PDE8B: variants seen among roughly 807,000 people sequenced by gnomAD.
PDE8B encodes high affinity cAMP-specific and IBMX-insensitive 3',5'-cyclic phosphodiesterase 8B.
Under a neutral mutation model 101.3 loss-of-function variants are expected in PDE8B, and 26 were observed. The observed-to-expected ratio is 0.26, with a 90% CI of 0.19 to 0.36. The LOEUF (loss-of-function observed/expected upper bound fraction) is 0.36, where lower values mean the gene tolerates loss of function less well. Ranked by LOEUF, PDE8B falls within the 10% of genes least tolerant of loss-of-function variation. The probability of loss-of-function intolerance (pLI) is 1.00; values close to 1 mark genes in which losing one functional copy is unlikely to be tolerated. For missense variants in PDE8B, 810 were observed against 1,163.1 expected (o/e 0.70, Z 4.42); for synonymous variants, 424 against 429.3 (o/e 0.99, Z 0.15).
At chr5:77,413,423 T>C in intron 17 of PDE8B, 114 bp downstream of exon 17, 1 of 923,272 alleles carries the variant, frequency 1.1e-6, no homozygotes, top group Admixed American at 2.4e-5. Context: ...ACAGCTTTTT[T>C]AAAAAAAAAT....
the PDE8B span, among the ~76,000 whole-genome samples, chr5:77,097,615 A>T: frequency 7.4e-6 from 1 of 135,818 alleles, no homozygotes; most frequent in Non-Finnish European, 1.6e-5. Flanking sequence ...ATCATCCTCC[A>T]AATATCACTT....
intron 10 of PDE8B, among the ~76,000 whole-genome samples, chr5:77,375,753 G>T (rs1400454383): frequency 6.6e-6 from 1 of 152,014 alleles, no homozygotes; most frequent in African/African-American, 2.4e-5. Flanking sequence ...TTTTTATCGT[G>T]TCTGGAAGGA....
At chr5:77,285,896 T>C (rs1765914520) in intron 1 of PDE8B, among the ~76,000 whole-genome samples, 1 of 152,222 alleles carries the variant, frequency 6.6e-6, no homozygotes, top group Non-Finnish European at 1.5e-5. Context: ...AATATTTATT[T>C]CCAATATTGT....
rs926105444 is a variant in PDE8B, at chr5:77,427,731, T to C, written c.*1177T>C. Reference sequence around the variant, plus strand: ...ATTTTTATACTGCTCTTTTCACAACTCCCTGTGATCTACATAAAGTCAGAC... The same window carrying C: ...ATTTTTATACTGCTCTTTTCACAACCCCCTGTGATCTACATAAAGTCAGAC... On this transcript the variant is annotated 3_prime_UTR_variant, in exon 22 of 22. Coordinates refer to ENST00000264917, the MANE Select transcript of PDE8B (RefSeq NM_003719.5). 2.0e-5 allele frequency: 3 copies of C among 152,166 alleles called. No homozygotes were observed. Among genetic ancestry groups the C allele is most frequent in the African/African-American group, 7.2e-5 (3 of 41,440 alleles). The allele number at this position is 152,166 out of a possible 1,614,324, so 9.4% of individuals were successfully genotyped here.
chr5:77,312,079 G>A, intron 2 of PDE8B, 26 bp downstream of exon 2: 1 of 1,483,822 alleles, frequency 6.7e-7, no homozygotes, highest in Non-Finnish European at 9.4e-7. Flanking sequence ...TCAGCCCTGT[G>A]ACTCAGATTA....
intron 1 of PDE8B, among the ~76,000 whole-genome samples, chr5:77,261,199 A>G (rs1305282902): frequency 1.3e-5 from 2 of 152,236 alleles, no homozygotes; most frequent in Non-Finnish European, 2.9e-5. Context: ...TAGAGGAGGT[A>G]GTAAAACCAG....
chr5:77,113,914 C>T, the PDE8B span: 8 of 152,236 alleles, frequency 5.3e-5, no homozygotes, highest in East Asian at 7.7e-4. Flanking sequence ...CATGAAAAAA[C>T]GCTCATCATC....
intron 10 of PDE8B, among the ~76,000 whole-genome samples, chr5:77,359,879 C>T (rs1782778314): frequency 1.3e-5 from 2 of 152,056 alleles, no homozygotes; most frequent in African/African-American, 2.4e-5. Context: ...AGGCAGATCA[C>T]GAGGTCAGGA....
At chr5:77,382,053 C>T (rs1302042601) in intron 10 of PDE8B, among the ~76,000 whole-genome samples, 2 of 152,132 alleles carry the variant, frequency 1.3e-5, no homozygotes, top group Non-Finnish European at 2.9e-5. Flanking sequence ...GTTCAGACTT[C>T]CAATTTTCAG....
chr5:77,169,505 C>A, the PDE8B span, among the ~76,000 whole-genome samples: 1 of 152,290 alleles, frequency 6.6e-6, no homozygotes, highest in East Asian at 1.9e-4. Context: ...TTGAGAACTA[C>A]TGGCCTAAAT....
chr5:77,125,088 G>C, the PDE8B span, among the ~76,000 whole-genome samples: 1 of 152,176 alleles, frequency 6.6e-6, no homozygotes, highest in Non-Finnish European at 1.5e-5. Context: ...TCCTGGGCTG[G>C]CTTCAGTGAT....
the PDE8B span, chr5:77,113,854 G>T: frequency 6.6e-6 from 1 of 152,162 alleles, no homozygotes; most frequent in East Asian, 1.9e-4. Context: ...ATGGGCAAAG[G>T]ATATGAACAG....
At chr5:77,367,920 C>A (rs990531432) in intron 10 of PDE8B, among the ~76,000 whole-genome samples, 1 of 152,214 alleles carries the variant, frequency 6.6e-6, no homozygotes, top group African/African-American at 2.4e-5. Flanking sequence ...CACAAAAGCC[C>A]CCAACTTGTT....
At chr5:77,093,228 A>G in the PDE8B span, among the ~76,000 whole-genome samples, 10 of 152,170 alleles carry the variant, frequency 6.6e-5, no homozygotes, top group Admixed American at 3.9e-4. Flanking sequence ...TGATTTATGC[A>G]TAGGTGGTTG....
the PDE8B span, among the ~76,000 whole-genome samples, chr5:77,107,334 T>C: frequency 1.2e-4 from 19 of 152,210 alleles, no homozygotes; most frequent in Admixed American, 1.2e-3. Context: ...TGCTGGTATA[T>C]AGTAATATAA....
At chr5:77,387,145 G>A (rs1399093160) in intron 10 of PDE8B, among the ~76,000 whole-genome samples, 2 of 152,072 alleles carry the variant, frequency 1.3e-5, no homozygotes, top group South Asian at 4.1e-4. Context: ...GGCCGATGTA[G>A]TTTCTTTATA....
chr5:77,395,590 A>G (rs1790877251), intron 10 of PDE8B, among the ~76,000 whole-genome samples: 1 of 151,736 alleles, frequency 6.6e-6, no homozygotes, highest in Non-Finnish European at 1.5e-5. Flanking sequence ...GCCATTCCCT[A>G]TGCTCTTGTT....
the PDE8B span, chr5:77,152,260 G>C: frequency 6.6e-6 from 1 of 152,202 alleles, no homozygotes; most frequent in Non-Finnish European, 1.5e-5. Context: ...TTTTCTTCTT[G>C]TTCCAAGCAG....
At chr5:77,284,639 A>C (rs1426332769) in intron 1 of PDE8B, among the ~76,000 whole-genome samples, 3 of 152,228 alleles carry the variant, frequency 2.0e-5, no homozygotes, top group Non-Finnish European at 4.4e-5. Flanking sequence ...CCCCTTTCTC[A>C]ATCATAGCTC....
Sources: allele counts gnomAD v4.1 joint callset (sites outside exome capture counted in the v4.1 genomes callset), GRCh38; gene constraint gnomAD v4.1.1; transcripts MANE v1.5; gene names NCBI Gene and HGNC (gene_info 2026-07-23, HGNC 2026-07-21).